The following OR2C1 variants were observed in gnomAD, a reference collection of about 807,000 sequenced individuals.
The protein encoded by OR2C1 is olfactory receptor family 2 subfamily C member 1, also known as olfactory receptor 2C1.
For missense variants in OR2C1, 468 were observed against 388.3 expected (o/e 1.21, Z -1.73); for synonymous variants, 209 against 167.3 (o/e 1.25, Z -1.92).
At position 3,355,961 on chromosome 16, in the gene OR2C1, C is replaced by G; in HGVS notation, c.21C>G (p.Ser7Arg). The change falls in exon 1 of 1, where the codon AGC becomes AGG. Residue 7 changes from serine (S) to arginine (R), a missense_variant. Physicochemically the swap from Ser to Arg is moderately radical, Grantham distance 110 (BLOSUM62 -1). Coordinates refer to ENST00000304936, the MANE Select transcript of OR2C1 (RefSeq NM_012368.3). Reference protein sequence around the residue: MDGVNDSSLQGFVLMGI... With the variant: MDGVNDRSLQGFVLMGI... Reference sequence around the variant, plus strand: ...CAGTGATGGACGGGGTGAATGATAGCTCCTTGCAGGGCTTTGTTCTGATGG... The same window carrying G: ...CAGTGATGGACGGGGTGAATGATAGGTCCTTGCAGGGCTTTGTTCTGATGG... The G allele has an allele frequency of 1.9e-6, 3 of 1,610,844 alleles. No individual in the cohort carries two copies. Among genetic ancestry groups the G allele is most frequent in the Non-Finnish European group, 2.5e-6 (3 of 1,178,022 alleles).
At chr16:3,336,674 C>CT in the OR2C1 span, among the ~76,000 whole-genome samples, 27,695 of 116,068 alleles carry the variant, frequency 0.24, 4,083 homozygotes, top group African/African-American at 0.36. Flanking sequence ...GTTTCTTTTT[C>CT]TTTTTTTTTT....
At chr16:3,338,276 G>T in the OR2C1 span, among the ~76,000 whole-genome samples, 1 of 152,154 alleles carries the variant, frequency 6.6e-6, no homozygotes, top group African/African-American at 2.4e-5. Context: ...ATTTCTCAGG[G>T]ATATTTCTCC....
chr16:3,327,782 G>A, the OR2C1 span, among the ~76,000 whole-genome samples: 3 of 151,984 alleles, frequency 2.0e-5, no homozygotes, highest in Non-Finnish European at 2.9e-5. Flanking sequence ...ATTACACCAG[G>A]CATCTCCCCA....
At chr16:3,344,655 A>C in the OR2C1 span, among the ~76,000 whole-genome samples, 12 of 152,138 alleles carry the variant, frequency 7.9e-5, no homozygotes, top group African/African-American at 2.9e-4. Flanking sequence ...TGAACCCAGG[A>C]GGCAGAGGTT....
chr16:3,328,392 C>G, the OR2C1 span, among the ~76,000 whole-genome samples: 1 of 152,194 alleles, frequency 6.6e-6, no homozygotes, highest in Non-Finnish European at 1.5e-5. Context: ...GTTCTTATCT[C>G]TGCCTAAGGA....
chr16:3,335,178 A>G, the OR2C1 span, among the ~76,000 whole-genome samples: 1 of 152,182 alleles, frequency 6.6e-6, no homozygotes, highest in Admixed American at 6.5e-5. Context: ...GTGGGTCTGT[A>G]TAACTTTTAG....
the OR2C1 span, among the ~76,000 whole-genome samples, chr16:3,324,185 A>G: frequency 6.6e-6 from 1 of 152,188 alleles, no homozygotes. Context: ...GAGTTAGGAA[A>G]AAAAATTTTT....
the OR2C1 span, among the ~76,000 whole-genome samples, chr16:3,342,959 T>C: frequency 4.6e-5 from 7 of 152,192 alleles, no homozygotes; most frequent in African/African-American, 7.2e-5. Flanking sequence ...TGCTGAGTGA[T>C]AATAGCCAAT....
At chr16:3,343,770 C>G in the OR2C1 span, among the ~76,000 whole-genome samples, 18 of 152,060 alleles carry the variant, frequency 1.2e-4, no homozygotes, top group African/African-American at 4.3e-4. Context: ...AAATAAAACC[C>G]TAAAAGCACA....
At chr16:3,324,719 TGG>T in the OR2C1 span, among the ~76,000 whole-genome samples, 13 of 151,980 alleles carry the variant, frequency 8.6e-5, no homozygotes, top group African/African-American at 3.1e-4. Flanking sequence ...TCCCCAAATC[TGG>T]GACTGCAGGT....
chr16:3,329,207 CACACACAG>C, the OR2C1 span, among the ~76,000 whole-genome samples: 1 of 151,016 alleles, frequency 6.6e-6, no homozygotes, highest in East Asian at 1.9e-4. Flanking sequence ...CACACACACA[CACACACAG>C]CTTAGCTATG....
At chr16:3,335,499 T>C in the OR2C1 span, among the ~76,000 whole-genome samples, 1 of 151,412 alleles carries the variant, frequency 6.6e-6, no homozygotes, top group Non-Finnish European at 1.5e-5. Flanking sequence ...TGTGTGTTAT[T>C]GGCATATATA....
the OR2C1 span, among the ~76,000 whole-genome samples, chr16:3,342,494 G>T: frequency 1.3e-5 from 2 of 152,220 alleles, no homozygotes; most frequent in Middle Eastern, 3.4e-3. Flanking sequence ...AATGTGGGTG[G>T]ATCACTTGAG....
the OR2C1 span, among the ~76,000 whole-genome samples, chr16:3,336,674 C>CTT: frequency 0.49 from 56,252 of 115,584 alleles, 14,234 homozygotes; most frequent in East Asian, 0.58. Flanking sequence ...GTTTCTTTTT[C>CTT]TTTTTTTTTT....
chr16:3,357,025 T>C lies in OR2C1; in HGVS notation c.*146T>C, dbSNP rs1270916820. 1 of 690,716 alleles carries C rather than the reference T, an allele frequency of 1.4e-6. No homozygotes were observed. Among genetic ancestry groups the C allele is most frequent in the Admixed American group, 3.0e-5 (1 of 33,532 alleles). The allele number at this position is 690,716 out of a possible 1,614,324, so 42.8% of individuals were successfully genotyped here. A position where few individuals can be genotyped will look rare whatever the true frequency, so the allele number is the denominator to read the frequency against. On this transcript the variant is annotated 3_prime_UTR_variant, in exon 1 of 1. Transcript: ENST00000304936. ...GCCCTAAGCTGACAGCCCTAAGCTGTTGGGAACATGGTTAGTGTTATTCGT... is the reference window on the plus strand; with the variant it reads ...GCCCTAAGCTGACAGCCCTAAGCTGCTGGGAACATGGTTAGTGTTATTCGT...
At chr16:3,337,275 C>T in the OR2C1 span, among the ~76,000 whole-genome samples, 1 of 152,088 alleles carries the variant, frequency 6.6e-6, no homozygotes, top group Non-Finnish European at 1.5e-5. Flanking sequence ...ATGCCTCAGC[C>T]TCCCAAGTAG....
At chr16:3,354,978 T>C (rs531537345), upstream of OR2C1, among the ~76,000 whole-genome samples, 53 of 152,268 alleles carry the variant, frequency 3.5e-4, 1 homozygote, top group South Asian at 0.01. Flanking sequence ...CATCTAATTC[T>C]AATGGTCAAC....
chr16:3,344,737 A>T, the OR2C1 span, among the ~76,000 whole-genome samples: 69 of 98,788 alleles, frequency 7.0e-4, 1 homozygote, highest in Admixed American at 1.6e-3. Context: ...CAAAAAAAAA[A>T]TTTTTTTTGA....
upstream of OR2C1, among the ~76,000 whole-genome samples, chr16:3,351,560 T>A (rs1219386813): frequency 6.6e-6 from 1 of 152,192 alleles, no homozygotes; most frequent in East Asian, 1.9e-4. Flanking sequence ...TGGCCATACT[T>A]CATAGGACCT....
Sources: allele counts gnomAD v4.1 joint callset (sites outside exome capture counted in the v4.1 genomes callset), GRCh38; gene constraint gnomAD v4.1.1; transcripts MANE v1.5; gene names NCBI Gene and HGNC (gene_info 2026-07-23, HGNC 2026-07-21).